Variants in OXR1 observed in about 807,000 individuals in gnomAD.
OXR1 encodes the protein oxidation resistance protein 1.
A neutral mutation model predicts 104.6 loss-of-function variants in OXR1; 41 were observed. That is an observed-to-expected ratio of 0.39 (90% CI 0.31 to 0.51). The LOEUF is 0.51. OXR1 is among the 20% of genes least tolerant of loss of function. The pLI is 0.77. For missense variants in OXR1, 955 were observed against 1,031.9 expected (o/e 0.93, Z 1.02); for synonymous variants, 348 against 348.4 (o/e 1.00, Z 0.01).
chr8:106,302,893 A>C, intron 1 of OXR1, among the ~76,000 whole-genome samples: 1 of 150,922 alleles, frequency 6.6e-6, no homozygotes, highest in East Asian at 2.1e-4. Flanking sequence ...CTGGGACTAC[A>C]GGCGCCCGCC....
chr8:106,584,499 T>A (rs1818482752), intron 3 of OXR1, among the ~76,000 whole-genome samples: 1 of 152,026 alleles, frequency 6.6e-6, no homozygotes, highest in African/African-American at 2.4e-5. Flanking sequence ...GATTCTTAAA[T>A]CATGAGGGAG....
At chr8:106,676,228 G>A (rs1827576022) in intron 3 of OXR1, among the ~76,000 whole-genome samples, 1 of 152,042 alleles carries the variant, frequency 6.6e-6, no homozygotes, top group South Asian at 2.1e-4. Flanking sequence ...TGGATCTCTT[G>A]AAGGCAGCAT....
intron 2 of OXR1, among the ~76,000 whole-genome samples, chr8:106,373,668 C>T (rs1233593797): frequency 2.6e-5 from 4 of 152,182 alleles, no homozygotes; most frequent in African/African-American, 9.7e-5. Flanking sequence ...TAGCTCACTG[C>T]AACCTCGACC....
At chr8:106,459,302 C>A (rs1820779112) in intron 2 of OXR1, among the ~76,000 whole-genome samples, 1 of 152,022 alleles carries the variant, frequency 6.6e-6, no homozygotes, top group Middle Eastern at 3.2e-3. Context: ...AGTTTGGCCC[C>A]CTTCCCTGCC....
At chr8:106,629,969 CTT>C (rs1342715668) in intron 3 of OXR1, among the ~76,000 whole-genome samples, 1 of 152,152 alleles carries the variant, frequency 6.6e-6, no homozygotes, top group East Asian at 1.9e-4. Flanking sequence ...AGTACAATCT[CTT>C]TCTTAAGAGA....
rs1245855420 is a variant in OXR1, at chr8:106,499,023, G to A, written c.24-19920G>A. ...TAAAAATACAAAAAATTAGCCGGGC[G>A]CGGTGGCGGGCGCCTGTAGTCCCAG... On this transcript the variant is annotated intron_variant, in intron 2 of 16. Coordinates refer to ENST00000517566, the MANE Select transcript of OXR1 (RefSeq NM_001198533.2). Among the ~76,000 whole-genome samples the A allele has an allele frequency of 9.0e-5, 6 of 66,428 alleles. No individual in the cohort carries two copies. The East Asian group carries it at 1.2e-3, about 14-fold the overall frequency. 43.6% of individuals were successfully genotyped at this position (66,428 alleles called of 152,430 possible). A position where few individuals can be genotyped will look rare whatever the true frequency, so the allele number is the denominator to read the frequency against.
intron 3 of OXR1, among the ~76,000 whole-genome samples, chr8:106,661,440 TA>T (rs1352312793): frequency 6.6e-6 from 1 of 152,220 alleles, no homozygotes; most frequent in Non-Finnish European, 1.5e-5. Flanking sequence ...GGAAACATCT[TA>T]AAATACAATG....
chr8:106,410,546 C>A (rs1563760889), intron 2 of OXR1, among the ~76,000 whole-genome samples: 1 of 152,098 alleles, frequency 6.6e-6, no homozygotes. Flanking sequence ...ACTTTTAGAA[C>A]ATTGAAAGAC....
chr8:106,471,606 T>C (rs1399375655), intron 2 of OXR1, among the ~76,000 whole-genome samples: 1 of 151,874 alleles, frequency 6.6e-6, no homozygotes, highest in Non-Finnish European at 1.5e-5. Context: ...TAGATTGCAT[T>C]CTAGATTGTT....
At position 106,663,850 on chromosome 8, in the gene OXR1, C is replaced by G. The variant is rs564608397; in HGVS notation, c.221-15360C>G. Among the ~76,000 whole-genome samples the G allele has an allele frequency of 2.0e-5, 3 of 152,196 alleles. No homozygotes were observed. The South Asian group carries it at 6.2e-4, about 32-fold the overall frequency. ...TGCCCACATGTCCATAATCCATAGT[C>G]TTCCATGAAGCCTGTCTCTGGTGCC... On this transcript the variant is annotated intron_variant, in intron 3 of 16. Coordinates refer to ENST00000517566, the MANE Select transcript of OXR1 (RefSeq NM_001198533.2).
chr8:106,477,841 TC>T (rs1821891092), intron 2 of OXR1, among the ~76,000 whole-genome samples: 1 of 151,984 alleles, frequency 6.6e-6, no homozygotes, highest in Non-Finnish European at 1.5e-5. Flanking sequence ...ATTGTTTTCA[TC>T]TACCTCACAA....
intron 3 of OXR1, among the ~76,000 whole-genome samples, chr8:106,658,834 C>T (rs1277060314): frequency 6.6e-6 from 1 of 152,094 alleles, no homozygotes; most frequent in African/African-American, 2.4e-5. Context: ...TTGTACCATT[C>T]TTTAAAACAG....
chr8:106,441,717 T>G (rs1012421570), intron 2 of OXR1, among the ~76,000 whole-genome samples: 9 of 152,170 alleles, frequency 5.9e-5, no homozygotes, highest in African/African-American at 2.2e-4. Context: ...GCTCTCTGCC[T>G]GCCAATTGTT....
intron 3 of OXR1, among the ~76,000 whole-genome samples, chr8:106,664,056 T>C (rs1826034655): frequency 6.6e-6 from 1 of 152,238 alleles, no homozygotes; most frequent in Non-Finnish European, 1.5e-5. Flanking sequence ...GAATACTCTC[T>C]ACTTGATCGG....
intron 11 of OXR1, among the ~76,000 whole-genome samples, chr8:106,716,023 G>A (rs990864569): frequency 2.0e-5 from 3 of 152,060 alleles, no homozygotes; most frequent in African/African-American, 7.2e-5. Flanking sequence ...GCCACTAAGG[G>A]ACTGCATTTT....
intron 1 of OXR1, among the ~76,000 whole-genome samples, chr8:106,319,874 C>T (rs1213394994): frequency 6.6e-6 from 1 of 152,182 alleles, no homozygotes; most frequent in Non-Finnish European, 1.5e-5. Context: ...GTCAGCAGTA[C>T]TTTTTGTTTT....
intron 1 of OXR1, among the ~76,000 whole-genome samples, chr8:106,340,395 A>G (rs1815193789): frequency 6.6e-6 from 1 of 152,214 alleles, no homozygotes; most frequent in South Asian, 2.1e-4. Flanking sequence ...CATGTTTTCA[A>G]TACAACTTTT....
intron 2 of OXR1, among the ~76,000 whole-genome samples, chr8:106,429,584 C>T (rs1307502217): frequency 6.6e-6 from 1 of 150,754 alleles, no homozygotes; most frequent in Non-Finnish European, 1.5e-5. Flanking sequence ...TCACTTGAAC[C>T]TGGAGATGGA....
intron 3 of OXR1, chr8:106,581,333 C>A: frequency 2.5e-6 from 2 of 787,440 alleles, no homozygotes; most frequent in Non-Finnish European, 3.8e-6. Context: ...TTGAGGCAAG[C>A]GGAGTCTTGC....
Sources: allele counts gnomAD v4.1 joint callset (sites outside exome capture counted in the v4.1 genomes callset), GRCh38; gene constraint gnomAD v4.1.1; transcripts MANE v1.5; gene names NCBI Gene and HGNC (gene_info 2026-07-23, HGNC 2026-07-21).